Variants in ZNF595 observed in about 807,000 individuals in gnomAD.
ZNF595 encodes zinc finger protein 595.
In ZNF595, 9 loss-of-function variants were observed where a neutral mutation model predicts 19.4. The ratio of observed to expected loss-of-function variants is 0.46; its 90% CI spans 0.28 to 0.81. ZNF595 has a LOEUF of 0.81. ZNF595 is among the 30% of genes least tolerant of loss of function. The pLI is 0.11. For synonymous variants in ZNF595, 255 were observed against 255.9 expected, an observed-to-expected ratio of 1.00 and a Z score of 0.03; for missense variants, 729 against 736.0, an observed-to-expected ratio of 0.99 and a Z score of 0.11.
chr4:85,090 C>G lies in ZNF595; in HGVS notation c.227-641C>G, dbSNP rs563279739. 3.3e-5 allele frequency among the ~76,000 whole-genome samples: 5 copies of G among 152,282 alleles called. No homozygotes were observed. The South Asian group carries it at 8.3e-4, about 25-fold the overall frequency. ...TCTTTGATAGAGATAATGGGAGCCTCTCATACATGTTCTAAGGATGTGTCT... is the reference window on the plus strand; with the variant it reads ...TCTTTGATAGAGATAATGGGAGCCTGTCATACATGTTCTAAGGATGTGTCT... On this transcript the variant is annotated intron_variant, in intron 3 of 3. Coordinates refer to ENST00000610261, the MANE Select transcript of ZNF595 (RefSeq NM_182524.4).
chr4:61,650 A>G (rs1581323858), intron 3 of ZNF595, among the ~76,000 whole-genome samples: 1 of 152,288 alleles, frequency 6.6e-6, no homozygotes, highest in Admixed American at 6.5e-5. Context: ...TACCTATATG[A>G]GTCATATATG....
chr4:70,298 A>G (rs1039366713), intron 3 of ZNF595, among the ~76,000 whole-genome samples: 2 of 151,824 alleles, frequency 1.3e-5, no homozygotes, highest in African/African-American at 2.4e-5. Context: ...GTTCTTCTGA[A>G]TATGAATATT....
At position 86,101 on chromosome 4, in the gene ZNF595, C is replaced by G. The variant is rs782034712; in HGVS notation, c.597C>G (p.Pro199=). 6.2e-7 allele frequency: 1 copy of G among 1,613,534 alleles called. No individual in the cohort carries two copies. The highest frequency in any genetic ancestry group is 1.1e-5 in the South Asian group (1 of 91,034). The part of the protein sequence containing the change: ...QHTGIHAGEK[P]YKCEKCGKAF... The stretch of plus-strand genomic sequence containing the variant: ...CAGGAATTCATGCTGGAGAGAAACC[C>G]TACAAATGTGAAAAATGTGGCAAAG... The change falls in exon 4 of 4, where the codon CCC becomes CCG. Residue 199 remains proline (P), a synonymous_variant. Transcript: ENST00000610261.
At chr4:74,888 A>T (rs1360588256) in intron 3 of ZNF595, among the ~76,000 whole-genome samples, 1 of 152,158 alleles carries the variant, frequency 6.6e-6, no homozygotes, top group Non-Finnish European at 1.5e-5. Flanking sequence ...TAGCTTAGTG[A>T]TTTGGAGGCC....
chr4:54,764 C>T (rs1432703708), intron 1 of ZNF595, among the ~76,000 whole-genome samples: 78 of 149,702 alleles, frequency 5.2e-4, no homozygotes, highest in African/African-American at 1.8e-3. Context: ...CCCAGGCTTC[C>T]GGACCACCTG....
At chr4:84,390 A>G (rs1283222934) in intron 3 of ZNF595, among the ~76,000 whole-genome samples, 5 of 152,156 alleles carry the variant, frequency 3.3e-5, no homozygotes, top group Non-Finnish European at 5.9e-5. Context: ...TTTCTAAGGC[A>G]GGTGTTGTGC....
chr4:54,814 C>T (rs1196139017), intron 1 of ZNF595, among the ~76,000 whole-genome samples: 10 of 151,610 alleles, frequency 6.6e-5, no homozygotes, highest in African/African-American at 2.0e-4. Context: ...GGAATCAGAG[C>T]GTAGCCCTGC....
intron 3 of ZNF595, among the ~76,000 whole-genome samples, chr4:83,759 A>C (rs1490327656): frequency 6.6e-6 from 1 of 151,812 alleles, no homozygotes; most frequent in Non-Finnish European, 1.5e-5. Context: ...AATTTGCTGA[A>C]ATGGAAAGGC....
intron 3 of ZNF595, among the ~76,000 whole-genome samples, chr4:79,655 G>A (rs376361323): frequency 3.4e-5 from 5 of 148,050 alleles, no homozygotes; most frequent in East Asian, 3.9e-4. Flanking sequence ...ATCAGGTAGT[G>A]CAGTATCTCC....
At chr4:73,861 C>G (rs1396804278) in intron 3 of ZNF595, among the ~76,000 whole-genome samples, 1 of 152,046 alleles carries the variant, frequency 6.6e-6, no homozygotes, top group African/African-American at 2.4e-5. Context: ...GGGCTTGTGA[C>G]TGGCATGTGG....
In ZNF595 at chr4:87,074, A is replaced by G. The variant is rs886196757; in HGVS notation, c.1570A>G (p.Ile524Val). The part of the protein sequence containing the change: ...GKAFNQSSGL[I>V]IHRSIHSEQK... ...AGCTTTTAACCAATCCTCAGGCCTT[A>G]TTATACACAGGAGCATTCATTCTGA... The change falls in exon 4 of 4, where the codon ATT (isoleucine) becomes GTT (valine). Residue 524 changes from isoleucine (I) to valine (V), a missense_variant. Physicochemically the swap from Ile to Val is conservative, Grantham distance 29. Transcript: ENST00000610261. 5.6e-6 allele frequency: 9 copies of G among 1,613,866 alleles called. No homozygotes were observed. Among genetic ancestry groups the G allele is most frequent in the East Asian group, 4.5e-5 (2 of 44,880 alleles).
intron 3 of ZNF595, among the ~76,000 whole-genome samples, chr4:82,970 CCTA>C (rs1316215117): frequency 6.6e-6 from 1 of 152,016 alleles, no homozygotes; most frequent in African/African-American, 2.4e-5. Context: ...ATTGAAATAT[CCTA>C]CTATAATTAT....
chr4:86,728 C>G lies in ZNF595; in HGVS notation c.1224C>G (p.Ser408=). 6.2e-7 allele frequency: 1 copy of G among 1,613,598 alleles called. No individual in the cohort carries two copies. The highest frequency in any genetic ancestry group is 8.5e-7 in the Non-Finnish European group (1 of 1,179,824). ...AATGTGGCAAAGCTTTTTATAGGTC[C>G]TCACACCTTGCTAAACATAAGAGAA... is the stretch of plus-strand genomic sequence containing the variant. The part of the protein sequence containing the change: ...CEECGKAFYR[S]SHLAKHKRIH... Residue 408 remains serine (S), a synonymous_variant, in exon 4 of 4, where the codon TCC becomes TCG. Transcript: ENST00000610261.
intron 3 of ZNF595, among the ~76,000 whole-genome samples, chr4:69,284 A>G (rs1401278863): frequency 1.3e-5 from 2 of 152,194 alleles, no homozygotes; most frequent in Admixed American, 1.3e-4. Context: ...TGGATAATAT[A>G]GTAGCTCTAT....
intron 3 of ZNF595, among the ~76,000 whole-genome samples, chr4:83,637 A>G (rs1203838893): frequency 1.3e-5 from 2 of 149,116 alleles, no homozygotes; most frequent in Non-Finnish European, 3.0e-5. Flanking sequence ...AAAAAAAAAA[A>G]AAAAAAAAGA....
intron 3 of ZNF595, among the ~76,000 whole-genome samples, chr4:76,254 G>A (rs192815958): frequency 2.4e-3 from 362 of 152,122 alleles, no homozygotes; most frequent in Non-Finnish European, 3.1e-3. Flanking sequence ...TTATTTTAGA[G>A]ACACGGTCCT....
chr4:86,261 G>C lies in ZNF595; in HGVS notation c.757G>C (p.Glu253Gln), dbSNP rs1254296817. 5.0e-6 allele frequency: 8 copies of C among 1,611,722 alleles called. No individual in the cohort carries two copies. Among genetic ancestry groups the C allele is most frequent in the South Asian group, 1.1e-5 (1 of 91,010 alleles). The part of the protein sequence containing the change: ...LNEHKKIHTG[E>Q]KPYKCEECGK... ...CGAACATAAGAAAATTCATACTGGA[G>C]AGAAACCCTACAAATGTGAAGAATG... is the stretch of plus-strand genomic sequence containing the variant. Residue 253 changes from glutamate to glutamine, a missense_variant, in exon 4 of 4, where the codon GAG becomes CAG. Physicochemically the swap from Glu to Gln is conservative, Grantham distance 29. This residue lies in a region of ZNF595 where 729 missense variants were observed against 675.3 expected (regional missense o/e 1.08). Transcript: ENST00000610261.
In ZNF595 at chr4:85,833, A is replaced by G. The variant is rs1045937487; in HGVS notation, c.329A>G (p.Asn110Ser). ...LKRYEKCGHENLQLRKGCKRV... is the reference protein window; with the variant it reads ...LKRYEKCGHESLQLRKGCKRV... ...AGATACGAGAAATGTGGACATGAGAATTTACAATTAAGAAAAGGCTGTAAA... is the reference window on the plus strand; with the variant it reads ...AGATACGAGAAATGTGGACATGAGAGTTTACAATTAAGAAAAGGCTGTAAA... Residue 110 changes from asparagine to serine, a missense_variant, in exon 4 of 4, where the codon AAT (asparagine) becomes AGT (serine). By Grantham distance (46) the Asn-to-Ser change is conservative. Around this residue, in one of 2 missense-constraint regions of ZNF595, gnomAD observed 729 missense variants for 675.3 expected, o/e 1.08. Coordinates refer to ENST00000610261, the MANE Select transcript of ZNF595 (RefSeq NM_182524.4). 3 of 1,613,922 alleles carry G rather than the reference A, an allele frequency of 1.9e-6. No individual in the cohort carries two copies. The highest frequency in any genetic ancestry group is 2.5e-6 in the Non-Finnish European group (3 of 1,179,960).
chr4:87,715 ATTTTT>A lies in ZNF595; in HGVS notation c.*283_*287del. The A allele has an allele frequency of 4.3e-5, 5 of 116,768 alleles. No homozygotes were observed. The highest frequency in any genetic ancestry group is 2.7e-4 in the South Asian group (1 of 3,662). The allele number at this position is 116,768 out of a possible 1,614,324, so 7.2% of individuals were successfully genotyped here. On this transcript the variant is annotated 3_prime_UTR_variant, in exon 4 of 4. Transcript: ENST00000610261. ...ACACACAGTCCAGTTATACACTTTA[ATTTTT>A]TTTTTTTTTTTTTTTTTTGAGACAG...
Sources: allele counts gnomAD v4.1 joint callset (sites outside exome capture counted in the v4.1 genomes callset), GRCh38; gene constraint gnomAD v4.1.1; regional missense constraint gnomAD v4.1.1; transcripts MANE v1.5; gene names NCBI Gene and HGNC (gene_info 2026-07-23, HGNC 2026-07-21).